Variants in SLC25A13 observed in about 807,000 individuals in gnomAD.
The protein encoded by SLC25A13 is solute carrier family 25 member 13.
Under a neutral mutation model 85.5 loss-of-function variants are expected in SLC25A13, and 70 were observed. The observed-to-expected ratio is 0.82, with a 90% CI of 0.68 to 1.00. The LOEUF is 1.00. Among genes scored for constraint, SLC25A13 ranks in the 50% least tolerant of loss-of-function variants. The probability of loss-of-function intolerance (pLI) is 0.00; values close to 1 mark genes in which losing one functional copy is unlikely to be tolerated. For missense variants in SLC25A13, 765 were observed against 819.8 expected, an observed-to-expected ratio of 0.93 and a Z score of 0.82; for synonymous variants, 259 against 288.7, an observed-to-expected ratio of 0.90 and a Z score of 1.04.
chr7:96,171,085 T>C (rs1329836491), intron 12 of SLC25A13, among the ~76,000 whole-genome samples: 1 of 152,212 alleles, frequency 6.6e-6, no homozygotes, highest in African/African-American at 2.4e-5. Flanking sequence ...ATGATTTGTG[T>C]GAACACAGGT....
intron 13 of SLC25A13, among the ~76,000 whole-genome samples, chr7:96,160,285 G>A (rs1039145480): frequency 2.6e-5 from 4 of 152,186 alleles, no homozygotes; most frequent in African/African-American, 9.7e-5. Context: ...CAGAAAGGAA[G>A]TATCTGGCTG....
chr7:96,171,334 T>C, intron 12 of SLC25A13, 138 bp downstream of exon 12: 1 of 756,902 alleles, frequency 1.3e-6, no homozygotes, highest in Admixed American at 2.1e-5. Context: ...TGAAAAAATG[T>C]GTGTGGTGAG....
At chr7:96,271,151 C>A (rs140515604) in intron 3 of SLC25A13, among the ~76,000 whole-genome samples, 120 of 152,272 alleles carry the variant, frequency 7.9e-4, no homozygotes, top group African/African-American at 2.8e-3. Context: ...CTTTGGGTGG[C>A]CATTATTCAG....
intron 5 of SLC25A13, among the ~76,000 whole-genome samples, chr7:96,201,801 G>A (rs1275375579): frequency 2.6e-5 from 4 of 152,158 alleles, no homozygotes; most frequent in Admixed American, 6.5e-5. Context: ...GGGGGTAGTA[G>A]CAATTTTGTT....
At chr7:96,291,828 C>T (rs1799132781) in intron 2 of SLC25A13, among the ~76,000 whole-genome samples, 1 of 152,186 alleles carries the variant, frequency 6.6e-6, no homozygotes, top group Admixed American at 6.5e-5. Flanking sequence ...GACAGATTCA[C>T]AGCCGAATTC....
chr7:96,215,619 G>C (rs1347383650), intron 4 of SLC25A13, among the ~76,000 whole-genome samples: 1 of 152,012 alleles, frequency 6.6e-6, no homozygotes, highest in South Asian at 2.1e-4. Context: ...ATCTCACCCT[G>C]TATACAAAAA....
At chr7:96,283,818 T>A (rs1303392883) in intron 2 of SLC25A13, 1 of 86,964 alleles carries the variant, frequency 1.1e-5, no homozygotes, top group Admixed American at 1.4e-4. Context: ...AAATAGGTGT[T>A]TAAAAAAAAA....
chr7:96,274,768 C>T (rs1798379755), intron 3 of SLC25A13, among the ~76,000 whole-genome samples: 1 of 152,186 alleles, frequency 6.6e-6, no homozygotes, highest in Admixed American at 6.5e-5. Flanking sequence ...AATAGGGAAT[C>T]CTTTCGCCAT....
At chr7:96,241,407 A>T in intron 3 of SLC25A13, among the ~76,000 whole-genome samples, 1 of 152,236 alleles carries the variant, frequency 6.6e-6, no homozygotes, top group South Asian at 2.1e-4. Flanking sequence ...ACCTCAATAT[A>T]CAACAATATG....
chr7:96,150,805 T>C (rs1217314122), intron 13 of SLC25A13, among the ~76,000 whole-genome samples: 1 of 152,108 alleles, frequency 6.6e-6, no homozygotes, highest in Non-Finnish European at 1.5e-5. Context: ...TTTTCTGTTG[T>C]TTAAGCCACC....
At chr7:96,163,833 C>G (rs1033383458) in intron 13 of SLC25A13, among the ~76,000 whole-genome samples, 2 of 152,112 alleles carry the variant, frequency 1.3e-5, no homozygotes, top group African/African-American at 2.4e-5. Flanking sequence ...CTCCAATACA[C>G]CTATTCCATT....
At chr7:96,157,437 T>C (rs1793325418) in intron 13 of SLC25A13, among the ~76,000 whole-genome samples, 1 of 152,222 alleles carries the variant, frequency 6.6e-6, no homozygotes. Flanking sequence ...TCTTGCCATG[T>C]TACATAATGA....
chr7:96,299,468 C>T (rs1405225392), intron 1 of SLC25A13, among the ~76,000 whole-genome samples: 5 of 152,180 alleles, frequency 3.3e-5, no homozygotes. Flanking sequence ...CCTAATTTTA[C>T]AGAAGAGGAA....
chr7:96,234,897 A>G lies in SLC25A13; in HGVS notation c.233T>C (p.Phe78Ser). ...ACACAGGACAGATTCAAAGGCAACA[A>G]ATTCTTGAAAAGATATTAATCTGCA... Reference protein sequence around the residue: ...TKDGLISFQEFVAFESVLCAP... With the variant: ...TKDGLISFQESVAFESVLCAP... The change falls in exon 4 of 18, where the codon TTT becomes TCT. Residue 78 changes from phenylalanine (F) to serine (S), a missense_variant. Physicochemically the swap from Phe to Ser is radical, Grantham distance 155. Transcript: ENST00000265631. The G allele has an allele frequency of 6.2e-7, 1 of 1,613,662 alleles. No homozygotes were observed.
At chr7:96,281,346 G>A (rs1584559037) in intron 2 of SLC25A13, among the ~76,000 whole-genome samples, 1 of 140,586 alleles carries the variant, frequency 7.1e-6, no homozygotes. Flanking sequence ...AGCTGAGACC[G>A]CCCCATTGCA....
chr7:96,256,978 C>T (rs1264966379), intron 3 of SLC25A13, among the ~76,000 whole-genome samples: 1 of 152,006 alleles, frequency 6.6e-6, no homozygotes, highest in Non-Finnish European at 1.5e-5. Flanking sequence ...GGGTAAATAA[C>T]AAAATTAAGG....
intron 13 of SLC25A13, among the ~76,000 whole-genome samples, chr7:96,152,471 G>T (rs1368712314): frequency 6.6e-6 from 1 of 152,184 alleles, no homozygotes; most frequent in Non-Finnish European, 1.5e-5. Context: ...GCTGGGTAAT[G>T]GATGCAACAG....
intron 3 of SLC25A13, among the ~76,000 whole-genome samples, chr7:96,274,454 A>C (rs982896712): frequency 4.6e-5 from 7 of 152,086 alleles, no homozygotes; most frequent in African/African-American, 1.2e-4. Flanking sequence ...CCCATTCTGT[A>C]GGTTGCCTGT....
chr7:96,134,793 T>TTTTATATATATATATA (rs940988441), intron 14 of SLC25A13, among the ~76,000 whole-genome samples: 10 of 102,250 alleles, frequency 9.8e-5, no homozygotes, highest in Admixed American at 3.0e-4. Context: ...ACAAACAATT[T>TTTTATATATATATATA]TATATATATA....
Sources: gnomAD v4.1 joint callset for allele counts (sites outside exome capture counted in the v4.1 genomes callset) on GRCh38, gnomAD v4.1.1 for gene constraint, MANE v1.5 for transcripts, NCBI Gene and HGNC (gene_info 2026-07-23, HGNC 2026-07-21) for gene names.